The following TRIM58 variants were observed in gnomAD, a reference collection of about 807,000 sequenced individuals.
TRIM58 encodes the protein tripartite motif containing 58.
A neutral mutation model predicts 34.1 loss-of-function variants in TRIM58; 38 were observed. That is an observed-to-expected ratio of 1.12 (90% CI 0.86 to 1.46). TRIM58 has a LOEUF of 1.46. TRIM58 is among the 40% of genes most tolerant of loss of function. TRIM58 has a pLI of 0.00. For synonymous variants in TRIM58, 273 were observed against 275.7 expected (o/e 0.99, Z 0.10); for missense variants, 677 against 642.0 (o/e 1.05, Z -0.59).
chr1:247,874,378 C>T (rs145779290), intron 5 of TRIM58, among the ~76,000 whole-genome samples: 1 of 152,270 alleles, frequency 6.6e-6, no homozygotes, highest in East Asian at 1.9e-4. Flanking sequence ...TCACTTATCA[C>T]CAGTGGGATG....
Position 247,867,829 on chromosome 1 carries a change from TTTC to T in TRIM58, c.748-13_748-11del, listed in dbSNP as rs1184548262. On this transcript the variant is annotated splice_polypyrimidine_tract_variant and intron_variant, in intron 3 of 5. Coordinates refer to ENST00000366481, the MANE Select transcript of TRIM58 (RefSeq NM_015431.4). ...TTCAGAGTCCAACTCACACTGTGTTTTTCTTTCCTTTTCAGGGTGTGAGAGGAG... is the reference window on the plus strand; with the variant it reads ...TTCAGAGTCCAACTCACACTGTGTTTTTTCCTTTTCAGGGTGTGAGAGGAG... The T allele has an allele frequency of 6.2e-6, 10 of 1,614,088 alleles. No homozygotes were observed. Among genetic ancestry groups the T allele is most frequent in the African/African-American group, 1.3e-5 (1 of 74,942 alleles).
At chr1:247,870,389 C>A (rs112596958) in intron 5 of TRIM58, among the ~76,000 whole-genome samples, 2 of 71,520 alleles carry the variant, frequency 2.8e-5, no homozygotes, top group Non-Finnish European at 2.7e-5. Context: ...ATCAGAGTCA[C>A]GGCCACCCAT....
Position 247,877,560 on chromosome 1 carries a change from G to A in TRIM58, c.*1071G>A, listed in dbSNP as rs886721009. On this transcript the variant is annotated 3_prime_UTR_variant, in exon 6 of 6. Transcript: ENST00000366481. ...TCTCACCACTGTACTCCAGCCCAGTGCGAGACTCCATCTCAAAAAAGAAAA... is the reference window on the plus strand; with the variant it reads ...TCTCACCACTGTACTCCAGCCCAGTACGAGACTCCATCTCAAAAAAGAAAA... The A allele has an allele frequency of 1.3e-5, 2 of 152,222 alleles. No homozygotes were observed. The highest frequency in any genetic ancestry group is 2.1e-4 in the South Asian group (1 of 4,820). 9.4% of individuals were successfully genotyped at this position (152,222 alleles called of 1,614,324 possible).
Position 247,876,150 on chromosome 1 carries a change from G to T in TRIM58, c.1122G>T (p.Thr374=), listed in dbSNP as rs765211101. The change falls in exon 6 of 6, where the codon ACG becomes ACT. Residue 374 remains threonine, a synonymous_variant. Coordinates refer to ENST00000366481, the MANE Select transcript of TRIM58 (RefSeq NM_015431.4). The stretch of plus-strand genomic sequence containing the variant: ...CACTGCCAAGAAAGGGGGAAACCAC[G>T]CCATCTCCTGAGAATGGGGTCTGGG... ...QDTLPRKGET[T]PSPENGVWAL... is the part of the protein sequence containing the mutation. 1.9e-6 allele frequency: 3 copies of T among 1,614,160 alleles called. No individual in the cohort carries two copies. The highest frequency in any genetic ancestry group is 2.5e-6 in the Non-Finnish European group (3 of 1,180,010).
chr1:247,864,638 C>T (rs530449057), intron 2 of TRIM58, 67 bp from the exon 3 acceptor site: 1 of 1,530,874 alleles, frequency 6.5e-7, no homozygotes, highest in South Asian at 1.2e-5. Context: ...TTACCTTCTC[C>T]AGCACTGTCC....
Position 247,857,218 on chromosome 1 carries a change from C to G in TRIM58, c.-29C>G, listed in dbSNP as rs746274768. On this transcript the variant is annotated 5_prime_UTR_variant, in exon 1 of 6. Coordinates refer to ENST00000366481, the MANE Select transcript of TRIM58 (RefSeq NM_015431.4). ...CGCGAGGGGAGACGGTGCGGGCGGC[C>G]GGGAGCGCAGCCCTCCGGGAGGCGG... 5.7e-5 allele frequency: 75 copies of G among 1,307,588 alleles called. No homozygotes were observed. In the East Asian group the frequency reaches 1.9e-3, roughly 32 times the overall value. The allele number at this position is 1,307,588 out of a possible 1,614,324, so 81.0% of individuals were successfully genotyped here.
chr1:247,857,624 G>T lies in TRIM58; in HGVS notation c.378G>T (p.Thr126=), dbSNP rs1297312562. The T allele has an allele frequency of 4.0e-6, 5 of 1,245,536 alleles. No homozygotes were observed. The highest frequency in any genetic ancestry group is 5.0e-6 in the Non-Finnish European group (5 of 996,148). The allele number at this position is 1,245,536 out of a possible 1,614,324, so 77.2% of individuals were successfully genotyped here. A position where few individuals can be genotyped will look rare whatever the true frequency, so the allele number is the denominator to read the frequency against. ...WVCDAGPEHR[T]HRTAPLQEAA... ...GCGACGCCGGCCCCGAGCACAGGAC[G>T]CACCGCACGGCGCCGCTGCAGGAGG... Residue 126 remains threonine (T), a synonymous_variant, in exon 1 of 6, where the codon ACG becomes ACT. Coordinates refer to ENST00000366481, the MANE Select transcript of TRIM58 (RefSeq NM_015431.4).
Position 247,876,387 on chromosome 1 carries a change from A to G in TRIM58, c.1359A>G (p.Ala453=). 1 of 1,614,172 alleles carries G rather than the reference A, an allele frequency of 6.2e-7. No individual in the cohort carries two copies. The highest frequency in any genetic ancestry group is 8.5e-7 in the Non-Finnish European group (1 of 1,180,034). Residue 453 remains alanine (A), a synonymous_variant, in exon 6 of 6, where the codon GCA becomes GCG. Transcript: ENST00000366481. The part of the protein sequence containing the change: ...LLRPYFFICD[A]TPLILPPTTI... Reference sequence around the variant, plus strand: ...GGCCTTACTTTTTCATCTGTGATGCAACTCCTCTTATCTTGCCACCCACAA... The same window carrying G: ...GGCCTTACTTTTTCATCTGTGATGCGACTCCTCTTATCTTGCCACCCACAA...
chr1:247,869,818 A>G (rs911914310), intron 5 of TRIM58, among the ~76,000 whole-genome samples: 5 of 152,262 alleles, frequency 3.3e-5, no homozygotes, highest in African/African-American at 1.2e-4. Context: ...ACAAAGGCAT[A>G]GAAAAAGTCT....
chr1:247,873,099 G>A (rs965639197), intron 5 of TRIM58, among the ~76,000 whole-genome samples: 2 of 152,222 alleles, frequency 1.3e-5, no homozygotes, highest in East Asian at 3.9e-4. Flanking sequence ...GCGTGGTGGT[G>A]CATGCCTGTA....
intron 3 of TRIM58, among the ~76,000 whole-genome samples, chr1:247,865,561 G>A (rs1469742480): frequency 6.6e-6 from 1 of 152,186 alleles, no homozygotes; most frequent in African/African-American, 2.4e-5. Flanking sequence ...TGATTTCCTG[G>A]CCCACATTGC....
chr1:247,876,555 T>TA lies in TRIM58; in HGVS notation c.*67dup. On this transcript the variant is annotated 3_prime_UTR_variant, in exon 6 of 6. Transcript: ENST00000366481. ...CCTGGAGTGGGGTGAAGGATATCAA[T>TA]ATACTAAGTTTTAACAGATACCCCA... The TA allele has an allele frequency of 1.6e-6, 2 of 1,282,410 alleles. No individual in the cohort carries two copies. The highest frequency in any genetic ancestry group is 2.2e-6 in the Non-Finnish European group (2 of 929,474). 79.4% of individuals were successfully genotyped at this position (1,282,410 alleles called of 1,614,324 possible). A position where few individuals can be genotyped will look rare whatever the true frequency, so the allele number is the denominator to read the frequency against.
chr1:247,872,717 G>A (rs1336890356), intron 5 of TRIM58, among the ~76,000 whole-genome samples: 4 of 152,180 alleles, frequency 2.6e-5, no homozygotes, highest in South Asian at 2.1e-4. Flanking sequence ...GCCAGCACCC[G>A]GGTAGATAGG....
chr1:247,867,889 G>C lies in TRIM58; in HGVS notation c.770+22G>C, dbSNP rs759302056. The C allele has an allele frequency of 4.3e-6, 7 of 1,614,134 alleles. No homozygotes were observed. The Admixed American group carries it at 1.2e-4, about 27-fold the overall frequency. ...GCAGGTATGTGTGCTTTCTGAATTG[G>C]TGAAGGGATTGGGAGAGGCAGAGGA... On this transcript the variant is annotated intron_variant, in intron 4 of 5. Transcript: ENST00000366481.
Position 247,875,952 on chromosome 1 carries a change from C to G in TRIM58, c.924C>G (p.Ala308=), listed in dbSNP as rs775876778. 1.1e-5 allele frequency: 17 copies of G among 1,614,002 alleles called. No individual in the cohort carries two copies. The highest frequency in any genetic ancestry group is 1.7e-5 in the Admixed American group (1 of 59,994). Residue 308 remains alanine (A), a synonymous_variant, in exon 6 of 6, where the codon GCC becomes GCG. Transcript: ENST00000366481. ...CGCACCCGAGTCTGCTCTTGACCGC[C>G]GACCTGCGCAGTGTGCAGGATGGAG... ...ATAHPSLLLT[A]DLRSVQDGEP... is the part of the protein sequence containing the mutation.
At chr1:247,858,752 C>CTTTTTTTT (rs386370399) in intron 1 of TRIM58, among the ~76,000 whole-genome samples, 5 of 87,876 alleles carry the variant, frequency 5.7e-5, no homozygotes, top group Non-Finnish European at 7.8e-5. Flanking sequence ...TTGGTAGTAA[C>CTTTTTTTT]TTTTTTTTTT....
intron 3 of TRIM58, 41 bp downstream of exon 3, chr1:247,864,976 A>C: frequency 2.0e-6 from 3 of 1,504,760 alleles, no homozygotes; most frequent in African/African-American, 1.4e-5. Context: ...TGTGAGACTC[A>C]GGTGACAGAG....
intron 5 of TRIM58, among the ~76,000 whole-genome samples, chr1:247,874,443 C>G (rs1458028856): frequency 1.3e-5 from 2 of 152,142 alleles, no homozygotes; most frequent in Non-Finnish European, 2.9e-5. Flanking sequence ...CCCCACTAGG[C>G]CCCACCTTCA....
intron 5 of TRIM58, among the ~76,000 whole-genome samples, chr1:247,869,363 G>A (rs1664007251): frequency 6.6e-6 from 1 of 152,182 alleles, no homozygotes; most frequent in Non-Finnish European, 1.5e-5. Flanking sequence ...CTAATCACAT[G>A]GTTGGTTCCC....
Sources: allele counts gnomAD v4.1 joint callset (sites outside exome capture counted in the v4.1 genomes callset), GRCh38; gene constraint gnomAD v4.1.1; transcripts MANE v1.5; gene names NCBI Gene and HGNC (gene_info 2026-07-23, HGNC 2026-07-21).